FCRL5: variants seen among roughly 807,000 people sequenced by gnomAD.
The protein encoded by FCRL5 is Fc receptor like 5.
Under a neutral mutation model 92.1 loss-of-function variants are expected in FCRL5, and 79 were observed. The observed-to-expected ratio is 0.86, with a 90% CI of 0.72 to 1.03. The LOEUF (loss-of-function observed/expected upper bound fraction) is 1.03. Ranked by LOEUF, FCRL5 falls within the 50% of genes least tolerant of loss-of-function variation. The pLI, the probability that FCRL5 is intolerant of heterozygous loss-of-function variation, is 0.00. For missense variants in FCRL5, 1,160 were observed against 1,181.1 expected (o/e 0.98, Z 0.26); for synonymous variants, 466 against 469.3 (o/e 0.99, Z 0.09).
At position 157,543,131 on chromosome 1, in the gene FCRL5, G is replaced by T. The variant is rs142544327; in HGVS notation, c.851C>A (p.Ala284Glu). The T allele has an allele frequency of 2.8e-4, 445 of 1,613,364 alleles. 1 individual carries two copies. The highest frequency in any genetic ancestry group is 1.4e-4 in the Non-Finnish European group (164 of 1,179,668). Residue 284 changes from alanine to glutamate, a missense_variant, in exon 6 of 17, where the codon GCA becomes GAA. By Grantham distance (107) the Ala-to-Glu change is moderately radical. Coordinates refer to ENST00000361835, the MANE Select transcript of FCRL5 (RefSeq NM_031281.3). ...GCTGAGAGTGAGGACAGGATGAGAT[G>T]CAGGGACTGAGCAAGAGAAAAAATT... ...PRSWIQVQIPASHPVLTLSPE... is the reference protein window; with the variant it reads ...PRSWIQVQIPESHPVLTLSPE...
chr1:157,524,666 T>C, intron 9 of FCRL5, 109 bp from the exon 10 acceptor site: 1 of 1,229,210 alleles, frequency 8.1e-7, no homozygotes, highest in Non-Finnish European at 1.1e-6. Context: ...AATGCCCTTG[T>C]GACATTACTC....
At chr1:157,519,704 C>T (rs1650089362) in intron 13 of FCRL5, 39 bp downstream of exon 13, 8 of 1,604,742 alleles carry the variant, frequency 5.0e-6, no homozygotes, top group Non-Finnish European at 6.8e-6. Flanking sequence ...ACCCTGTGGA[C>T]ATTTCACTAA....
intron 1 of FCRL5, 135 bp downstream of exon 1, chr1:157,552,196 AG>A: frequency 1.2e-6 from 1 of 810,036 alleles, no homozygotes; most frequent in Admixed American, 2.4e-5. Flanking sequence ...TACAGAGTAA[AG>A]TTCAAAAATA....
chr1:157,545,373 T>C (rs1308461671), intron 3 of FCRL5, among the ~76,000 whole-genome samples: 1 of 152,138 alleles, frequency 6.6e-6, no homozygotes, highest in African/African-American at 2.4e-5. Flanking sequence ...ATTTCTTTTA[T>C]GGAATAATAT....
chr1:157,551,534 A>G (rs116438176), intron 1 of FCRL5, among the ~76,000 whole-genome samples: 38 of 152,338 alleles, frequency 2.5e-4, no homozygotes, highest in African/African-American at 8.2e-4. Context: ...AGCTTGTTGC[A>G]TAGCTGCTTG....
chr1:157,523,661 T>A (rs1489977683), intron 10 of FCRL5: 1 of 152,280 alleles, frequency 6.6e-6, no homozygotes, highest in African/African-American at 2.4e-5. Flanking sequence ...TTGAAAGAGA[T>A]CAAAGAACAG....
chr1:157,527,305 T>C (rs145211115), intron 9 of FCRL5, among the ~76,000 whole-genome samples: 84 of 152,384 alleles, frequency 5.5e-4, no homozygotes, highest in African/African-American at 1.9e-3. Context: ...CAGAACTTTA[T>C]AACTTTCTTT....
In FCRL5 at chr1:157,520,567, T is replaced by C; in HGVS notation, c.2516-20A>G. The C allele has an allele frequency of 2.6e-6, 4 of 1,567,944 alleles. No homozygotes were observed. Among genetic ancestry groups the C allele is most frequent in the Non-Finnish European group, 3.5e-6 (4 of 1,152,508 alleles). On this transcript the variant is annotated intron_variant, in intron 11 of 16. Transcript: ENST00000361835. ...TCAGCCCTGAGGGGGAGACCCTGTGTGTGAGCCAGAGGAGAGGCTGTGGTC... is the reference window on the plus strand; with the variant it reads ...TCAGCCCTGAGGGGGAGACCCTGTGCGTGAGCCAGAGGAGAGGCTGTGGTC...
Position 157,547,104 on chromosome 1 carries a change from A to G in FCRL5, c.146T>C (p.Phe49Ser). The G allele has an allele frequency of 6.2e-7, 1 of 1,614,178 alleles. No individual in the cohort carries two copies. The highest frequency in any genetic ancestry group is 8.5e-7 in the Non-Finnish European group (1 of 1,180,038). Residue 49 changes from phenylalanine to serine, a missense_variant, in exon 3 of 17, where the codon TTC (phenylalanine) becomes TCC (serine). Physicochemically the swap from Phe to Ser is radical, Grantham distance 155 (BLOSUM62 -2). Transcript: ENST00000361835. ...CCATTTTGTTTTCTGTGGTGAGTAGAAGCGAAATCCCTTGCAAGTGAGGGT... is the reference window on the plus strand; with the variant it reads ...CCATTTTGTTTTCTGTGGTGAGTAGGAGCGAAATCCCTTGCAAGTGAGGGT... ...RVTLTCKGFR[F>S]YSPQKTKWYH...
chr1:157,543,827 T>G (rs1192088387), intron 5 of FCRL5, among the ~76,000 whole-genome samples: 1 of 152,142 alleles, frequency 6.6e-6, no homozygotes, highest in African/African-American at 2.4e-5. Context: ...ATATTTGGAG[T>G]AACTATAATG....
chr1:157,515,443 G>A lies in FCRL5; in HGVS notation c.*232C>T, dbSNP rs1387171569. Reference sequence around the variant, plus strand: ...GGAGATGTGCTGGGCCCTGGAGTGGGAGCACCTTGCCACTGGATTAAAAAA... The same window carrying A: ...GGAGATGTGCTGGGCCCTGGAGTGGAAGCACCTTGCCACTGGATTAAAAAA... On this transcript the variant is annotated 3_prime_UTR_variant, in exon 17 of 17. Coordinates refer to ENST00000361835, the MANE Select transcript of FCRL5 (RefSeq NM_031281.3). The A allele has an allele frequency of 4.1e-6, 3 of 740,042 alleles. No homozygotes were observed. The highest frequency in any genetic ancestry group is 6.4e-6 in the Non-Finnish European group (3 of 469,304). The allele number at this position is 740,042 out of a possible 1,614,324, so 45.8% of individuals were successfully genotyped here.
At chr1:157,519,017 A>G in intron 13 of FCRL5, 1 of 373,868 alleles carries the variant, frequency 2.7e-6, no homozygotes, top group East Asian at 4.4e-5. Context: ...TTACAGCAAT[A>G]CGTTGTTAGT....
At chr1:157,529,271 G>T (rs1650578309) in intron 8 of FCRL5, among the ~76,000 whole-genome samples, 1 of 152,120 alleles carries the variant, frequency 6.6e-6, no homozygotes, top group Non-Finnish European at 1.5e-5. Flanking sequence ...CTGCAAGAAT[G>T]GTCATAATTA....
chr1:157,552,183 A>G (rs1249212398), intron 1 of FCRL5, 149 bp downstream of exon 1: 1 of 705,310 alleles, frequency 1.4e-6, no homozygotes, highest in African/African-American at 1.8e-5. Context: ...GAAAGCCCTG[A>G]GCTACAGAGT....
At position 157,536,086 on chromosome 1, in the gene FCRL5, C is replaced by T. The variant is rs368747704; in HGVS notation, c.1403-1194G>A. ...CCTCCTGAGTAGCTGGCGTTACAGG[C>T]GACCGCCACCACACCTGGCTAATTT... On this transcript the variant is annotated intron_variant, in intron 7 of 16. Coordinates refer to ENST00000361835, the MANE Select transcript of FCRL5 (RefSeq NM_031281.3). 3.9e-4 allele frequency among the ~76,000 whole-genome samples: 60 copies of T among 151,940 alleles called. No homozygotes were observed. In the South Asian group the frequency reaches 9.8e-3, roughly 25 times the overall value.
chr1:157,547,260 C>A (rs983016461), intron 2 of FCRL5, 63 bp from the exon 3 acceptor site: 100 of 1,595,620 alleles, frequency 6.3e-5, no homozygotes, highest in Non-Finnish European at 8.5e-5. Flanking sequence ...CTCAGGGCCT[C>A]CTGCTGCATA....
chr1:157,548,794 G>A (rs1651675633), intron 2 of FCRL5, among the ~76,000 whole-genome samples: 1 of 152,218 alleles, frequency 6.6e-6, no homozygotes, highest in South Asian at 2.1e-4. Context: ...AACAGGTGCT[G>A]GAGAGGATGT....
chr1:157,521,486 A>C (rs976112175), intron 10 of FCRL5, 194 bp from the exon 11 acceptor site: 11 of 596,706 alleles, frequency 1.8e-5, no homozygotes, highest in Admixed American at 3.6e-5. Flanking sequence ...AACTGTAAAA[A>C]GTGTATAAAT....
intron 3 of FCRL5, chr1:157,546,187 C>T (rs111667877): frequency 2.3e-6 from 1 of 426,836 alleles, no homozygotes; most frequent in African/African-American, 2.1e-5. Flanking sequence ...GTGGCTCATA[C>T]CTGTAATCCC....
Sources: allele counts gnomAD v4.1 joint callset (sites outside exome capture counted in the v4.1 genomes callset), GRCh38; gene constraint gnomAD v4.1.1; transcripts MANE v1.5; gene names NCBI Gene and HGNC (gene_info 2026-07-23, HGNC 2026-07-21).